MDGA2: variants seen among roughly 807,000 people sequenced by gnomAD.
MDGA2 encodes MAM domain-containing glycosylphosphatidylinositol anchor protein 2.
In MDGA2, 40 loss-of-function variants were observed where a neutral mutation model predicts 117.8. The ratio of observed to expected loss-of-function variants is 0.34; its 90% CI spans 0.26 to 0.44. MDGA2 has a LOEUF of 0.44. Among genes scored for constraint, MDGA2 ranks in the 20% least tolerant of loss-of-function variants. MDGA2 has a pLI of 1.00. For synonymous variants in MDGA2, 452 were observed against 439.0 expected, an observed-to-expected ratio of 1.03 and a Z score of -0.37; for missense variants, 1,123 against 1,250.6, an observed-to-expected ratio of 0.90 and a Z score of 1.54.
chr14:47,233,971 T>C (rs1033723053), intron 2 of MDGA2, among the ~76,000 whole-genome samples: 1 of 152,134 alleles, frequency 6.6e-6, no homozygotes, highest in African/African-American at 2.4e-5. Context: ...GCCTGTTTGT[T>C]GCCTCCTGAA....
chr14:47,495,950 AATTTT>A (rs1386463543), intron 1 of MDGA2, among the ~76,000 whole-genome samples: 4 of 152,100 alleles, frequency 2.6e-5, no homozygotes, highest in Admixed American at 2.0e-4. Context: ...ATTTCACCCT[AATTTT>A]ATTTTAATTT....
intron 3 of MDGA2, among the ~76,000 whole-genome samples, chr14:47,165,090 G>A (rs778077581): frequency 9.9e-5 from 15 of 152,032 alleles, no homozygotes; most frequent in Admixed American, 2.0e-4. Context: ...ATCACACACC[G>A]GGGCCTGTTG....
At chr14:46,967,036 AT>A (rs967372062) in intron 8 of MDGA2, among the ~76,000 whole-genome samples, 4 of 140,294 alleles carry the variant, frequency 2.9e-5, no homozygotes, top group Non-Finnish European at 4.8e-5. Flanking sequence ...AAGCAAAGCA[AT>A]TTTTTTAATT....
chr14:47,674,126 C>A (rs1479998385), intron 1 of MDGA2, among the ~76,000 whole-genome samples: 1 of 130,848 alleles, frequency 7.6e-6, no homozygotes, highest in Non-Finnish European at 1.6e-5. Flanking sequence ...GGGAGACTCA[C>A]GGGGTCACAC....
chr14:47,381,682 C>A (rs1891631683), intron 1 of MDGA2, among the ~76,000 whole-genome samples: 1 of 152,092 alleles, frequency 6.6e-6, no homozygotes, highest in Admixed American at 6.5e-5. Context: ...TCAAGGGGAA[C>A]TACAAACCAC....
chr14:46,980,215 TC>T (rs1886618623), intron 8 of MDGA2, among the ~76,000 whole-genome samples: 1 of 152,150 alleles, frequency 6.6e-6, no homozygotes, highest in Admixed American at 6.6e-5. Context: ...AAAAAGTTGA[TC>T]CCAACACTCA....
At chr14:47,145,450 T>A (rs1180637936) in intron 3 of MDGA2, among the ~76,000 whole-genome samples, 1 of 152,200 alleles carries the variant, frequency 6.6e-6, no homozygotes, top group Non-Finnish European at 1.5e-5. Flanking sequence ...ATATGGCATA[T>A]TCCAGGTTCT....
At chr14:47,647,819 T>C (rs1322491215) in intron 1 of MDGA2, among the ~76,000 whole-genome samples, 2 of 152,152 alleles carry the variant, frequency 1.3e-5, no homozygotes, top group Non-Finnish European at 2.9e-5. Context: ...TGTAGCATCT[T>C]TGTCATTTTT....
rs1491236673 is a variant in MDGA2, at chr14:47,286,824, T to TATATATAC, written c.420+14586_420+14587insGTATATAT. On this transcript the variant is annotated intron_variant, in intron 2 of 16. Transcript: ENST00000399232. ...ATCATTATATATATATATATATATA[T>TATATATAC]ACATATATATATGTATATATATATA... Among the ~76,000 whole-genome samples the TATATATAC allele has an allele frequency of 4.4e-3, 453 of 104,100 alleles. 5 individuals are homozygous for TATATATAC. Among genetic ancestry groups the TATATATAC allele is most frequent in the African/African-American group, 0.014 (426 of 29,756 alleles). The allele number at this position is 104,100 out of a possible 152,430, so 68.3% of individuals were successfully genotyped here.
At chr14:47,655,911 T>G (rs1897734688) in intron 1 of MDGA2, among the ~76,000 whole-genome samples, 1 of 152,182 alleles carries the variant, frequency 6.6e-6, no homozygotes, top group Non-Finnish European at 1.5e-5. Context: ...TCCCATGATA[T>G]TAGAAGTATC....
At chr14:47,295,399 C>T (rs1160646524) in intron 2 of MDGA2, among the ~76,000 whole-genome samples, 1 of 152,158 alleles carries the variant, frequency 6.6e-6, no homozygotes, top group Non-Finnish European at 1.5e-5. Context: ...AGTATTCCTA[C>T]TGAGAACTTC....
At chr14:47,453,112 GTAA>G (rs1348104628) in intron 1 of MDGA2, among the ~76,000 whole-genome samples, 6 of 151,878 alleles carry the variant, frequency 4.0e-5, no homozygotes, top group African/African-American at 1.2e-4. Flanking sequence ...GTCTGGCTCT[GTAA>G]TAATATTATA....
At chr14:46,952,760 G>T (rs1885414847) in intron 9 of MDGA2, among the ~76,000 whole-genome samples, 1 of 151,954 alleles carries the variant, frequency 6.6e-6, no homozygotes, top group African/African-American at 2.4e-5. Context: ...TCCCACAAAT[G>T]TGTGATGATT....
chr14:47,572,005 C>T (rs148875829), intron 1 of MDGA2, among the ~76,000 whole-genome samples: 6 of 152,210 alleles, frequency 3.9e-5, no homozygotes, highest in Non-Finnish European at 7.3e-5. Flanking sequence ...AAAGTATATG[C>T]AGTCAGAATA....
At chr14:47,061,861 ATTATAC>A (rs1889895695) in intron 6 of MDGA2, among the ~76,000 whole-genome samples, 1 of 152,056 alleles carries the variant, frequency 6.6e-6, no homozygotes, top group Admixed American at 6.6e-5. Context: ...TCTATGTGCA[ATTATAC>A]TTAAATATTG....
intron 1 of MDGA2, among the ~76,000 whole-genome samples, chr14:47,330,935 T>C (rs962833582): frequency 1.3e-5 from 2 of 151,944 alleles, no homozygotes; most frequent in Non-Finnish European, 2.9e-5. Context: ...TAGACATTAA[T>C]AGACTGTGTT....
intron 1 of MDGA2, among the ~76,000 whole-genome samples, chr14:47,587,359 A>G (rs1040054100): frequency 6.6e-6 from 1 of 151,944 alleles, no homozygotes; most frequent in Non-Finnish European, 1.5e-5. Flanking sequence ...TTTTAAAAAA[A>G]GTAATAAACA....
chr14:47,543,951 T>A (rs555889876), intron 1 of MDGA2, among the ~76,000 whole-genome samples: 1 of 152,210 alleles, frequency 6.6e-6, no homozygotes, highest in Non-Finnish European at 1.5e-5. Flanking sequence ...AAAACCTGAT[T>A]AACTTTGTTT....
At chr14:47,429,774 C>T (rs904789108) in intron 1 of MDGA2, among the ~76,000 whole-genome samples, 1 of 151,540 alleles carries the variant, frequency 6.6e-6, no homozygotes, top group African/African-American at 2.4e-5. Context: ...AAAAGAGAAA[C>T]AAGATTTGTA....
Sources: gnomAD v4.1 joint callset for allele counts (sites outside exome capture counted in the v4.1 genomes callset) on GRCh38, gnomAD v4.1.1 for gene constraint, MANE v1.5 for transcripts, NCBI Gene and HGNC (gene_info 2026-07-23, HGNC 2026-07-21) for gene names.